The following OTC variants were observed in gnomAD, a reference collection of about 807,000 sequenced individuals.
OTC encodes the protein ornithine transcarbamylase, mitochondrial.
In OTC, 3 loss-of-function variants were observed where a neutral mutation model predicts 30.3. The ratio of observed to expected loss-of-function variants is 0.10; its 90% CI spans 0.05 to 0.26. The LOEUF is 0.26. OTC is among the 10% of genes least tolerant of loss of function. The probability of loss-of-function intolerance (pLI) is 1.00; values close to 1 mark genes in which losing one functional copy is unlikely to be tolerated. For missense variants in OTC, 194 were observed against 260.3 expected (o/e 0.75, Z 1.75); for synonymous variants, 111 against 99.7 (o/e 1.11, Z -0.67).
the OTC span, among the ~76,000 whole-genome samples, chrX:38,344,744 T>C: frequency 8.9e-6 from 1 of 111,745 alleles, no homozygotes; most frequent in African/African-American, 3.3e-5. Context: ...TTAAAAATTT[T>C]GCTTTGTGAA....
chrX:38,370,481 C>T (rs5917581), intron 3 of OTC, among the ~76,000 whole-genome samples: 28,364 of 110,565 alleles, frequency 0.26, 3,123 homozygotes, highest in African/African-American at 0.38. Flanking sequence ...TCTTGGCTGT[C>T]TCCCACTTAC....
At chrX:38,346,270 G>T in the OTC span, among the ~76,000 whole-genome samples, 1 of 112,041 alleles carries the variant, frequency 8.9e-6, no homozygotes, top group Non-Finnish European at 1.9e-5. Context: ...CATAACTGTT[G>T]GGGTGACAAT....
At chrX:38,403,551 CT>C in intron 5 of OTC, 66 bp from the exon 6 acceptor site, 1 of 1,118,805 alleles carries the variant, frequency 8.9e-7, no homozygotes, top group Non-Finnish European at 1.2e-6. Flanking sequence ...TTATTTTAAC[CT>C]TAGTAATTGC....
At chrX:38,349,834 C>A (rs946112767), upstream of OTC, among the ~76,000 whole-genome samples, 3 of 111,747 alleles carry the variant, frequency 2.7e-5, no homozygotes, top group African/African-American at 9.8e-5. Context: ...AAACAAGACA[C>A]AGATACTCGT....
Position 38,411,842 on chromosome X carries a change from T to C in OTC, c.868-20T>C. The C allele has an allele frequency of 8.3e-7, 1 of 1,207,662 alleles. No homozygotes were observed. The highest frequency in any genetic ancestry group is 1.7e-5 in the African/African-American group (1 of 57,661). ...GCCACATATAATAGTCAAAAAGTGG[T>C]CTTATCCCCATCTCTTTAGACTGCT... is the stretch of plus-strand genomic sequence containing the variant. On this transcript the variant is annotated intron_variant, in intron 8 of 9. Transcript: ENST00000039007.
At chrX:38,389,331 A>G (rs1188153000) in intron 4 of OTC, among the ~76,000 whole-genome samples, 1 of 110,715 alleles carries the variant, frequency 9.0e-6, no homozygotes, top group South Asian at 3.9e-4. Context: ...AATGAAAGTT[A>G]TAGAGGGATT....
In OTC at chrX:38,421,156, G is replaced by A; in HGVS notation, c.*74G>A. On this transcript the variant is annotated 3_prime_UTR_variant, in exon 10 of 10. Coordinates refer to ENST00000039007, the MANE Select transcript of OTC (RefSeq NM_000531.6). ...GAGTTGGTTTATGGGGAAAAGAGAA[G>A]AGAATCTAAAAAATAAACAAATCCC... 2.7e-6 allele frequency: 2 copies of A among 738,392 alleles called. No homozygotes were observed. The highest frequency in any genetic ancestry group is 4.5e-5 in the Admixed American group (2 of 44,611). The allele number at this position is 738,392 out of a possible 1,213,427, so 60.9% of individuals were successfully genotyped here.
At chrX:38,419,663 A>G (rs1418188951) in intron 9 of OTC, among the ~76,000 whole-genome samples, 1 of 111,923 alleles carries the variant, frequency 8.9e-6, no homozygotes, top group Non-Finnish European at 1.9e-5. Context: ...TTACTGATTT[A>G]TGTATGTCGA....
chrX:38,337,525 A>G, the OTC span, among the ~76,000 whole-genome samples: 5 of 111,723 alleles, frequency 4.5e-5, no homozygotes, highest in African/African-American at 1.6e-4. Flanking sequence ...ATGATTTGGT[A>G]TAGGTCTATG....
intron 1 of OTC, among the ~76,000 whole-genome samples, chrX:38,357,183 C>T (rs1284572404): frequency 9.0e-6 from 1 of 111,666 alleles, no homozygotes; most frequent in Non-Finnish European, 1.9e-5. Flanking sequence ...AATAACCTTC[C>T]CAAGGCCATT....
the OTC span, among the ~76,000 whole-genome samples, chrX:38,346,415 C>T: frequency 8.9e-6 from 1 of 112,205 alleles, no homozygotes; most frequent in Non-Finnish European, 1.9e-5. Context: ...TTAAACATAA[C>T]ATATAACTAC....
At chrX:38,384,987 G>C (rs1350823947) in intron 4 of OTC, among the ~76,000 whole-genome samples, 1 of 111,652 alleles carries the variant, frequency 9.0e-6, no homozygotes, top group Non-Finnish European at 1.9e-5. Context: ...GATCAAGGCT[G>C]GGTGCGGTGG....
At chrX:38,367,249 T>C in intron 1 of OTC, 42 bp from the exon 2 acceptor site, 1 of 1,131,746 alleles carries the variant, frequency 8.8e-7, no homozygotes, top group Non-Finnish European at 1.2e-6. Flanking sequence ...CATGGGTCTT[T>C]TCTGAAATAC....
At chrX:38,368,439 T>A (rs2068307795) in intron 2 of OTC, among the ~76,000 whole-genome samples, 1 of 111,104 alleles carries the variant, frequency 9.0e-6, no homozygotes, top group African/African-American at 3.3e-5. Context: ...ATCATTAGGA[T>A]AATGTCAAAA....
intron 3 of OTC, among the ~76,000 whole-genome samples, chrX:38,380,607 C>T (rs2068370990): frequency 9.0e-6 from 1 of 111,054 alleles, no homozygotes; most frequent in African/African-American, 3.3e-5. Context: ...AAATGAAAGG[C>T]TTGAAAATAA....
chrX:38,407,863 G>C (rs2068522761), intron 6 of OTC, among the ~76,000 whole-genome samples: 1 of 111,622 alleles, frequency 9.0e-6, no homozygotes, highest in Non-Finnish European at 1.9e-5. Flanking sequence ...GTACAGAATA[G>C]GTTGGAGAGT....
intron 3 of OTC, among the ~76,000 whole-genome samples, chrX:38,372,433 C>A (rs1252946008): frequency 8.9e-6 from 1 of 112,066 alleles, no homozygotes; most frequent in Non-Finnish European, 1.9e-5. Flanking sequence ...TAAACTAAAT[C>A]TATTGATTTA....
chrX:38,422,741 A>G (rs749161652), downstream of OTC, among the ~76,000 whole-genome samples: 1 of 112,087 alleles, frequency 8.9e-6, no homozygotes, highest in Non-Finnish European at 1.9e-5. Context: ...TTAATCAGAC[A>G]TTATTTATAT....
chrX:38,352,449 A>G (rs2068222533), upstream of OTC: 3 of 367,453 alleles, frequency 8.2e-6, no homozygotes, highest in African/African-American at 2.6e-5. Context: ...GCCAGGCAAT[A>G]AAAGAGTCAG....
Sources: allele counts gnomAD v4.1 joint callset (sites outside exome capture counted in the v4.1 genomes callset), GRCh38; gene constraint gnomAD v4.1.1; transcripts MANE v1.5; gene names NCBI Gene and HGNC (gene_info 2026-07-23, HGNC 2026-07-21).